The following CYP2U1 variants were observed in gnomAD, a reference collection of about 807,000 sequenced individuals.
The protein encoded by CYP2U1 is cytochrome P450 2U1.
Under a neutral mutation model 42.8 loss-of-function variants are expected in CYP2U1, and 28 were observed. The ratio of observed to expected loss-of-function variants is 0.65; its 90% CI spans 0.48 to 0.90. The LOEUF is 0.90. Ranked by LOEUF, CYP2U1 falls within the 40% of genes least tolerant of loss-of-function variation. The probability of loss-of-function intolerance (pLI) is 0.00; values close to 1 mark genes in which losing one functional copy is unlikely to be tolerated. For synonymous variants in CYP2U1, 296 were observed against 278.9 expected (o/e 1.06, Z -0.61); for missense variants, 642 against 693.8 (o/e 0.93, Z 0.84).
Position 107,931,856 on chromosome 4 carries a change from C to T in CYP2U1, c.213C>T (p.Asn71=). Residue 71 remains asparagine (N), a synonymous_variant, in exon 1 of 5, where the codon AAC becomes AAT. Coordinates refer to ENST00000332884, the MANE Select transcript of CYP2U1 (RefSeq NM_183075.3). ...PGPTPWPLVG[N]FGHVLLPPFL... Reference sequence around the variant, plus strand: ...CCACGCCCTGGCCTCTGGTGGGCAACTTCGGTCACGTGCTGCTGCCTCCCT... The same window carrying T: ...CCACGCCCTGGCCTCTGGTGGGCAATTTCGGTCACGTGCTGCTGCCTCCCT... 1 of 1,545,642 alleles carries T rather than the reference C, an allele frequency of 6.5e-7. No homozygotes were observed. The highest frequency in any genetic ancestry group is 8.7e-7 in the Non-Finnish European group (1 of 1,144,300).
chr4:107,944,838 A>C (rs1329647474), intron 1 of CYP2U1, 132 bp from the exon 2 acceptor site: 1 of 115,060 alleles, frequency 8.7e-6, no homozygotes, highest in East Asian at 3.1e-4. Context: ...CTTTATATAT[A>C]CATATATATA....
rs1161262371 is a variant in CYP2U1 at position 107,947,428 on chromosome 4, C to T, written c.1179C>T (p.Ser393=). 1.2e-6 allele frequency: 2 copies of T among 1,614,014 alleles called. No individual in the cohort carries two copies. The highest frequency in any genetic ancestry group is 2.7e-5 in the African/African-American group (2 of 74,926). ...ERVIGANRAP[S]LTDKAQMPYT... ...TCATTGGCGCCAACCGAGCTCCTTCCCTCACAGACAAGGCCCAGATGCCCT... is the reference window on the plus strand; with the variant it reads ...TCATTGGCGCCAACCGAGCTCCTTCTCTCACAGACAAGGCCCAGATGCCCT... Residue 393 remains serine, a synonymous_variant, in exon 3 of 5, where the codon TCC becomes TCT. Transcript: ENST00000332884.
intron 2 of CYP2U1, among the ~76,000 whole-genome samples, 156 bp from the exon 3 acceptor site, chr4:107,947,220 A>G (rs769163044): frequency 5.3e-5 from 8 of 152,176 alleles, no homozygotes; most frequent in Non-Finnish European, 1.0e-4. Flanking sequence ...TCTACCTGAA[A>G]TGTCTGACCA....
intron 1 of CYP2U1, among the ~76,000 whole-genome samples, chr4:107,934,034 T>C (rs1030451420): frequency 2.0e-5 from 3 of 152,178 alleles, no homozygotes; most frequent in Admixed American, 2.0e-4. Flanking sequence ...GGGGCAAATA[T>C]CTGAGTCCCT....
chr4:107,949,311 G>A, intron 3 of CYP2U1, 39 bp from the exon 4 acceptor site: 1 of 1,402,824 alleles, frequency 7.1e-7, no homozygotes, highest in Non-Finnish European at 9.4e-7. Flanking sequence ...ACTAGTAAAA[G>A]CATACTGAAT....
chr4:107,936,622 T>C (rs1256386702), intron 1 of CYP2U1: 1 of 152,376 alleles, frequency 6.6e-6, no homozygotes, highest in African/African-American at 2.4e-5. Flanking sequence ...GCCTGTGGTA[T>C]TCTGTTATAG....
chr4:107,935,397 A>G (rs1041794295), intron 1 of CYP2U1, among the ~76,000 whole-genome samples: 7 of 152,206 alleles, frequency 4.6e-5, no homozygotes, highest in Non-Finnish European at 7.3e-5. Context: ...TTCTTAGGCA[A>G]TGCTGCTCTG....
Position 107,952,981 on chromosome 4 carries a change from T to G in CYP2U1, c.*2558T>G, listed in dbSNP as rs761717320. On this transcript the variant is annotated 3_prime_UTR_variant, in exon 5 of 5. Coordinates refer to ENST00000332884, the MANE Select transcript of CYP2U1 (RefSeq NM_183075.3). ...ATAGCCTAACTGCAGAGGAACTGAG[T>G]GGATGGGGTAGCTGCTGTATAGATT... 6 of 152,168 alleles carry G rather than the reference T, an allele frequency of 3.9e-5. No individual in the cohort carries two copies. Among genetic ancestry groups the G allele is most frequent in the Non-Finnish European group, 5.9e-5 (4 of 68,008 alleles). The allele number at this position is 152,168 out of a possible 1,614,324, so 9.4% of individuals were successfully genotyped here. A position where few individuals can be genotyped will look rare whatever the true frequency, so the allele number is the denominator to read the frequency against.
chr4:107,942,531 A>G (rs1329290992), intron 1 of CYP2U1, among the ~76,000 whole-genome samples: 1 of 152,198 alleles, frequency 6.6e-6, no homozygotes, highest in African/African-American at 2.4e-5. Flanking sequence ...ATATCTTATT[A>G]TAAAGTAACA....
chr4:107,950,670 G>A lies in CYP2U1; in HGVS notation c.*247G>A, dbSNP rs1733880206. On this transcript the variant is annotated 3_prime_UTR_variant, in exon 5 of 5. Transcript: ENST00000332884. ...AGAAAACAAAGTACCTATGAAACGG[G>A]ATATCTGGATTTTACTTGCAGTGGC... 1 of 350,896 alleles carries A rather than the reference G, an allele frequency of 2.8e-6. No homozygotes were observed. The highest frequency in any genetic ancestry group is 5.1e-6 in the Non-Finnish European group (1 of 195,026). The allele number at this position is 350,896 out of a possible 1,614,324, so 21.7% of individuals were successfully genotyped here. A position where few individuals can be genotyped will look rare whatever the true frequency, so the allele number is the denominator to read the frequency against.
intron 3 of CYP2U1, among the ~76,000 whole-genome samples, chr4:107,948,034 G>A (rs1733764464): frequency 1.3e-5 from 2 of 152,226 alleles, no homozygotes; most frequent in East Asian, 1.9e-4. Flanking sequence ...TTGGGAGGAC[G>A]AGGCAGGTGG....
chr4:107,945,700 A>G (rs527880585), intron 2 of CYP2U1, 95 bp downstream of exon 2: 1 of 1,438,264 alleles, frequency 7.0e-7, no homozygotes, highest in African/African-American at 1.4e-5. Flanking sequence ...AACACTGAGC[A>G]ATGTCTTCAG....
chr4:107,933,442 G>T (rs1260626690), intron 1 of CYP2U1, among the ~76,000 whole-genome samples: 1 of 152,190 alleles, frequency 6.6e-6, no homozygotes, highest in African/African-American at 2.4e-5. Flanking sequence ...TATTACGAAG[G>T]CATGTAGTGG....
At chr4:107,946,046 G>A (rs1005545294) in intron 2 of CYP2U1, among the ~76,000 whole-genome samples, 1 of 152,204 alleles carries the variant, frequency 6.6e-6, no homozygotes, top group Non-Finnish European at 1.5e-5. Context: ...CAGAGTAGAA[G>A]AATACAGGGA....
chr4:107,931,657 G>A lies in CYP2U1; in HGVS notation c.14G>A (p.Gly5Glu). 1 of 1,261,106 alleles carries A rather than the reference G, an allele frequency of 7.9e-7. No homozygotes were observed. The highest frequency in any genetic ancestry group is 9.9e-7 in the Non-Finnish European group (1 of 1,007,542). The allele number at this position is 1,261,106 out of a possible 1,614,324, so 78.1% of individuals were successfully genotyped here. The change falls in exon 1 of 5, where the codon GGG (glycine) becomes GAG (glutamate). Residue 5 changes from glycine (G) to glutamate (E), a missense_variant. Gly to Glu is a moderately conservative substitution (Grantham distance 98). Transcript: ENST00000332884. Reference sequence around the variant, plus strand: ...GGCGCCCGGACCATGTCGTCTCCGGGGCCGTCGCAGCCGCCGGCCGAGGAC... The same window carrying A: ...GGCGCCCGGACCATGTCGTCTCCGGAGCCGTCGCAGCCGCCGGCCGAGGAC... MSSP[G>E]PSQPPAEDPP...
intron 1 of CYP2U1, among the ~76,000 whole-genome samples, chr4:107,939,853 G>A (rs1560697923): frequency 6.6e-6 from 1 of 152,100 alleles, no homozygotes; most frequent in East Asian, 1.9e-4. Flanking sequence ...GGGGGGTGGG[G>A]AAGAGATATG....
chr4:107,950,142 A>G, intron 4 of CYP2U1, 103 bp from the exon 5 acceptor site: 2 of 1,209,722 alleles, frequency 1.7e-6, no homozygotes, highest in Non-Finnish European at 2.3e-6. Flanking sequence ...CTCCATCTGC[A>G]TTTAGAATAC....
rs1363198739 is a variant in CYP2U1, at chr4:107,931,763, C to A, written c.120C>A (p.Cys40Ter). 6.8e-7 allele frequency: 1 copy of A among 1,462,930 alleles called. No individual in the cohort carries two copies. Among genetic ancestry groups the A allele is most frequent in the South Asian group, 1.4e-5 (1 of 71,408 alleles). 90.6% of individuals were successfully genotyped at this position (1,462,930 alleles called of 1,614,324 possible). A position where few individuals can be genotyped will look rare whatever the true frequency, so the allele number is the denominator to read the frequency against. The change falls in exon 1 of 5, where the codon TGC (cysteine) becomes TGA (stop). Residue 40 changes from cysteine to a stop codon, truncating the protein, a stop_gained. Coordinates refer to ENST00000332884, the MANE Select transcript of CYP2U1 (RefSeq NM_183075.3). LOFTEE classifies it high-confidence loss of function. ...CCAGCGGGGGCGCGCTGCTGCTATG[C>A]GGCCTCGTAGCGCTGCTGGGCTGGA... is the stretch of plus-strand genomic sequence containing the variant. The part of the protein sequence containing the change: ...LDPSGGALLL[C>*]GLVALLGWSW...
At chr4:107,938,430 G>C (rs1733356344) in intron 1 of CYP2U1, 1 of 152,198 alleles carries the variant, frequency 6.6e-6, no homozygotes. Context: ...AATTTCTCAG[G>C]TTGAATCTAG....
Sources: allele counts gnomAD v4.1 joint callset (sites outside exome capture counted in the v4.1 genomes callset), GRCh38; gene constraint gnomAD v4.1.1; transcripts MANE v1.5; gene names NCBI Gene and HGNC (gene_info 2026-07-23, HGNC 2026-07-21).